TNFSF10: variants seen among roughly 807,000 people sequenced by gnomAD.
TNFSF10 encodes the protein tumor necrosis factor ligand superfamily member 10.
In TNFSF10, 13 loss-of-function variants were observed where a neutral mutation model predicts 29.5. The ratio of observed to expected loss-of-function variants is 0.44; its 90% confidence interval spans 0.29 to 0.70. TNFSF10 has a LOEUF of 0.70. TNFSF10 is among the 30% of genes least tolerant of loss of function. The pLI is 0.13. For synonymous variants in TNFSF10, 111 were observed against 112.8 expected, an observed-to-expected ratio of 0.98 and a Z score of 0.10; for missense variants, 345 against 330.9, an observed-to-expected ratio of 1.04 and a Z score of -0.33.
At chr3:172,523,158 A>G (rs563082889) in intron 1 of TNFSF10, 95 bp downstream of exon 1, 2 of 1,421,022 alleles carry the variant, frequency 1.4e-6, no homozygotes, top group South Asian at 3.1e-5. Flanking sequence ...GGAAGCAGGA[A>G]AGTCTTCAGA....
rs767231295 is a variant in TNFSF10, at chr3:172,506,475, T to C, written c.*17A>G. ...GAATAGTCACTTTGAGGTTATTGCT[T>C]TTTCTTTCCAGGTCAGTTAGCCAAC... is the stretch of plus-strand genomic sequence containing the variant. On this transcript the variant is annotated 3_prime_UTR_variant, in exon 5 of 5. Transcript: ENST00000241261. 1 of 1,579,552 alleles carries C rather than the reference T, an allele frequency of 6.3e-7. No individual in the cohort carries two copies. The highest frequency in any genetic ancestry group is 1.4e-5 in the African/African-American group (1 of 73,304).
Position 172,506,834 on chromosome 3 carries a change from G to A in TNFSF10, c.504C>T (p.His168=), listed in dbSNP as rs567405828. 1 of 1,614,194 alleles carries A rather than the reference G, an allele frequency of 6.2e-7. No homozygotes were observed. Among genetic ancestry groups the A allele is most frequent in the East Asian group, 2.2e-5 (1 of 44,876 alleles). Residue 168 remains histidine (H), a synonymous_variant, in exon 5 of 5, where the codon CAC becomes CAT. Transcript: ENST00000241261. The part of the protein sequence containing the change: ...RSGHSFLSNL[H]LRNGELVIHE... ...GGATGACCAGTTCACCATTCCTCAA[G>A]TGCAAGTTGCTCAGGAATGAATGCC...
chr3:172,512,606 C>G (rs1713270652), intron 2 of TNFSF10, among the ~76,000 whole-genome samples: 1 of 152,178 alleles, frequency 6.6e-6, no homozygotes, highest in Non-Finnish European at 1.5e-5. Flanking sequence ...AATCAGTTCC[C>G]TGGGCACTGA....
intron 1 of TNFSF10, among the ~76,000 whole-genome samples, chr3:172,516,587 C>G (rs1459634666): frequency 6.6e-6 from 1 of 152,186 alleles, no homozygotes; most frequent in Non-Finnish European, 1.5e-5. Context: ...CATTCATTTA[C>G]TTTTAAACAA....
Position 172,514,960 on chromosome 3 carries a change from GAAAC to G in TNFSF10, c.167_170del (p.Cys56SerfsTer2), listed in dbSNP as rs773854799. 1.2e-6 allele frequency: 2 copies of G among 1,614,114 alleles called. No homozygotes were observed. The highest frequency in any genetic ancestry group is 2.2e-5 in the South Asian group (2 of 91,084). ...CCCAATAACTGTCATCTTCTTTTAA[GAAAC>G]AAGCAATGCCACTTTTGGAGTACTT... is the stretch of plus-strand genomic sequence containing the variant. On this transcript the variant is annotated frameshift_variant, in exon 2 of 5. Transcript: ENST00000241261. LOFTEE classifies it high-confidence loss of function.
intron 4 of TNFSF10, among the ~76,000 whole-genome samples, chr3:172,508,467 ATT>A (rs199588368): frequency 0.015 from 2,306 of 152,244 alleles, 51 homozygotes; most frequent in African/African-American, 0.052. Context: ...CTGTGGTTTA[ATT>A]TAATGTAAAT....
At chr3:172,520,794 A>G (rs954690815) in intron 1 of TNFSF10, among the ~76,000 whole-genome samples, 3 of 152,182 alleles carry the variant, frequency 2.0e-5, no homozygotes, top group African/African-American at 7.2e-5. Context: ...AACCTGCAAC[A>G]ACAAAGCAGG....
intron 2 of TNFSF10, among the ~76,000 whole-genome samples, chr3:172,512,246 A>G (rs1713254100): frequency 6.6e-6 from 1 of 152,156 alleles, no homozygotes; most frequent in East Asian, 1.9e-4. Flanking sequence ...TTCTCAACAT[A>G]AAGATATTTT....
chr3:172,507,702 A>C (rs3136608), intron 4 of TNFSF10, among the ~76,000 whole-genome samples: 75,509 of 152,020 alleles, frequency 0.5, 19,687 homozygotes, highest in African/African-American at 0.66. Flanking sequence ...GCAGAACATG[A>C]CAATCATTTA....
chr3:172,510,057 T>C (rs987881449), intron 3 of TNFSF10, among the ~76,000 whole-genome samples: 8 of 151,862 alleles, frequency 5.3e-5, no homozygotes, highest in African/African-American at 1.9e-4. Context: ...TGTGCTTACA[T>C]TGGTTGTAAG....
Position 172,508,897 on chromosome 3 carries a change from AAAG to A in TNFSF10, c.418+317_418+319del, listed in dbSNP as rs200934209. Among the ~76,000 whole-genome samples the A allele has an allele frequency of 6.8e-4, 103 of 152,106 alleles. 1 individual carries two copies. In the East Asian group the frequency reaches 0.019, roughly 28 times the overall value. On this transcript the variant is annotated intron_variant, in intron 4 of 4. Transcript: ENST00000241261. ...AACGTGAAACTCTGTCTAAAAAAAA[AAAG>A]GAAAGAAAGAAAGAAAAAGAAAGAA...
chr3:172,518,090 A>T (rs1345637120), intron 1 of TNFSF10: 1 of 1,013,062 alleles, frequency 9.9e-7, no homozygotes, highest in Non-Finnish European at 1.2e-6. Flanking sequence ...GCCTCCTCCC[A>T]TCCTTTCCAC....
At position 172,507,150 on chromosome 3, in the gene TNFSF10, T is replaced by C. The variant is rs539087650; in HGVS notation, c.419-231A>G. ...ATTGGGAACTGTTGGGAGTCCCTTG[T>C]CTTTTTATACCTTGTCAGCTGCTTA... On this transcript the variant is annotated intron_variant, in intron 4 of 4. Coordinates refer to ENST00000241261, the MANE Select transcript of TNFSF10 (RefSeq NM_003810.4). The C allele has an allele frequency of 1.8e-4, 94 of 521,358 alleles. 1 individual carries two copies. In the South Asian group the frequency reaches 2.2e-3, roughly 12 times the overall value. The allele number at this position is 521,358 out of a possible 1,614,324, so 32.3% of individuals were successfully genotyped here.
Position 172,518,353 on chromosome 3 carries a change from C to A in TNFSF10, c.133-3355G>T, listed in dbSNP as rs1040074572. The A allele has an allele frequency of 1.3e-5, 17 of 1,280,556 alleles. No homozygotes were observed. The African/African-American group carries it at 2.1e-4, about 16-fold the overall frequency. The allele number at this position is 1,280,556 out of a possible 1,614,324, so 79.3% of individuals were successfully genotyped here. On this transcript the variant is annotated intron_variant, in intron 1 of 4. Transcript: ENST00000241261. ...GTTGTCTAGGCCAGGGTCAACCAGT[C>A]CTTGATGGGGCTTGAGGTCAGCAGG...
chr3:172,514,081 C>A (rs3774313), intron 2 of TNFSF10, among the ~76,000 whole-genome samples: 58 of 152,092 alleles, frequency 3.8e-4, no homozygotes, highest in Middle Eastern at 3.4e-3. Context: ...TCAGGTGATC[C>A]GCCTGCCTCA....
intron 2 of TNFSF10, among the ~76,000 whole-genome samples, chr3:172,514,135 G>A (rs557041802): frequency 3.6e-4 from 55 of 152,222 alleles, no homozygotes; most frequent in South Asian, 8.3e-4. Flanking sequence ...CACTACACCC[G>A]GCTGCAAATA....
intron 1 of TNFSF10, chr3:172,517,315 C>T: frequency 1.0e-6 from 1 of 984,964 alleles, no homozygotes; most frequent in Non-Finnish European, 1.2e-6. Flanking sequence ...GTGATCCCTT[C>T]TGAGTATTTT....
chr3:172,506,787 A>G lies in TNFSF10; in HGVS notation c.551T>C (p.Ile184Thr). The stretch of plus-strand genomic sequence containing the variant: ...AAATCGAAAGTATGTTTGGGAATAG[A>G]TGTAGTAAAACCCTTTTTCATGGAT... The part of the protein sequence containing the change: ...LVIHEKGFYY[I>T]YSQTYFRFQE... The change falls in exon 5 of 5, where the codon ATC becomes ACC. Residue 184 changes from isoleucine (I) to threonine (T), a missense_variant. Ile to Thr is a moderately conservative substitution (Grantham distance 89). Transcript: ENST00000241261. The G allele has an allele frequency of 6.2e-7, 1 of 1,614,164 alleles. No homozygotes were observed. Among genetic ancestry groups the G allele is most frequent in the Non-Finnish European group, 8.5e-7 (1 of 1,180,020 alleles).
At chr3:172,513,373 T>G (rs1394170824) in intron 2 of TNFSF10, among the ~76,000 whole-genome samples, 1 of 152,204 alleles carries the variant, frequency 6.6e-6, no homozygotes, top group Non-Finnish European at 1.5e-5. Context: ...CAGCCCAGGC[T>G]TTTCCTAGTC....
Sources: allele counts gnomAD v4.1 joint callset (sites outside exome capture counted in the v4.1 genomes callset), GRCh38; gene constraint gnomAD v4.1.1; transcripts MANE v1.5; gene names NCBI Gene and HGNC (gene_info 2026-07-23, HGNC 2026-07-21).